The following ZNF536 variants were observed in gnomAD, a reference collection of about 807,000 sequenced individuals.
ZNF536 encodes the protein zinc finger protein 536.
In ZNF536, 13 loss-of-function variants were observed where a neutral mutation model predicts 84.5. The observed-to-expected ratio is 0.15, with a 90% CI of 0.10 to 0.24. The LOEUF is 0.24. Among genes scored for constraint, ZNF536 ranks in the 10% least tolerant of loss-of-function variants. ZNF536 has a pLI of 1.00. For synonymous variants in ZNF536, 811 were observed against 742.5 expected, an observed-to-expected ratio of 1.09 and a Z score of -1.50; for missense variants, 1,536 against 1,747.5, an observed-to-expected ratio of 0.88 and a Z score of 2.16.
At chr19:30,301,376 G>A (rs957983790) in intron 2 of ZNF536, among the ~76,000 whole-genome samples, 1 of 152,170 alleles carries the variant, frequency 6.6e-6, no homozygotes, top group African/African-American at 2.4e-5. Flanking sequence ...CGATGCGGAC[G>A]CTGTTGCTTT....
chr19:30,486,743 C>T (rs932202471), intron 2 of ZNF536, among the ~76,000 whole-genome samples: 4 of 152,218 alleles, frequency 2.6e-5, no homozygotes, highest in Non-Finnish European at 5.9e-5. Flanking sequence ...TCCTATTTCT[C>T]CACAGCCTTG....
intron 1 of ZNF536, among the ~76,000 whole-genome samples, chr19:30,433,834 G>T (rs1158999731): frequency 6.6e-6 from 1 of 152,128 alleles, no homozygotes; most frequent in Admixed American, 6.6e-5. Flanking sequence ...TACATGCCTT[G>T]GTCATATCCT....
intron 1 of ZNF536, among the ~76,000 whole-genome samples, chr19:30,614,465 G>GGA (rs141253341): frequency 8.8e-5 from 13 of 147,956 alleles, no homozygotes; most frequent in East Asian, 2.0e-4. Flanking sequence ...CGGGGGCGGG[G>GGA]GAGAGAGAGA....
intron 1 of ZNF536, among the ~76,000 whole-genome samples, chr19:30,262,899 T>C (rs1320477377): frequency 6.6e-6 from 1 of 152,142 alleles, no homozygotes; most frequent in African/African-American, 2.4e-5. Context: ...CTCGTGGAAT[T>C]TGCAACATGA....
At chr19:30,584,219 C>G (rs1456210831) in intron 1 of ZNF536, among the ~76,000 whole-genome samples, 2 of 152,164 alleles carry the variant, frequency 1.3e-5, no homozygotes, top group Non-Finnish European at 2.9e-5. Context: ...GCTCCACCTC[C>G]TGTATCCTGC....
chr19:30,551,644 A>T (rs879400184), intron 4 of ZNF536, among the ~76,000 whole-genome samples: 9 of 152,184 alleles, frequency 5.9e-5, no homozygotes, highest in Non-Finnish European at 1.3e-4. Flanking sequence ...TTGCTTCTGC[A>T]GCAGAGGGTT....
At chr19:30,688,581 A>G (rs560953147) in intron 1 of ZNF536, among the ~76,000 whole-genome samples, 1 of 152,196 alleles carries the variant, frequency 6.6e-6, no homozygotes, top group Non-Finnish European at 1.5e-5. Flanking sequence ...ATACACATTT[A>G]TCTGTTATGG....
At chr19:30,320,619 C>A (rs79003614) in intron 2 of ZNF536, among the ~76,000 whole-genome samples, 2 of 152,112 alleles carry the variant, frequency 1.3e-5, no homozygotes, top group African/African-American at 4.8e-5. Context: ...ACGGAGCCCC[C>A]GTCAGAGAGC....
intron 1 of ZNF536, among the ~76,000 whole-genome samples, chr19:30,409,768 T>C (rs1232188922): frequency 6.6e-6 from 1 of 152,266 alleles, no homozygotes; most frequent in Admixed American, 6.5e-5. Flanking sequence ...AACAAAGTGG[T>C]ACACCGTACT....
chr19:30,368,858 T>C (rs987453750), upstream of ZNF536, among the ~76,000 whole-genome samples: 2 of 152,172 alleles, frequency 1.3e-5, no homozygotes, highest in African/African-American at 4.8e-5. Flanking sequence ...GATTATCACA[T>C]GGAAAGGGCT....
intron 1 of ZNF536, among the ~76,000 whole-genome samples, chr19:30,692,435 A>T (rs1371030340): frequency 6.6e-6 from 1 of 152,200 alleles, no homozygotes; most frequent in Non-Finnish European, 1.5e-5. Flanking sequence ...GAATTTATAT[A>T]ACAGTAATTC....
rs80297613 is a variant in ZNF536, at chr19:30,320,539, C to G, written c.-119-31829C>G. 8.1e-3 allele frequency among the ~76,000 whole-genome samples: 1,237 copies of G among 152,188 alleles called. 22 individuals carry two copies. The highest frequency in any genetic ancestry group is 0.029 in the African/African-American group (1,188 of 41,516). On this transcript the variant is annotated intron_variant, in intron 2 of 5. Transcript: ENST00000585628. ...CACACAGCATCTTGGGGGTCAGGAC[C>G]TGCCAGAATGAGGAACTGGGGTGGA... is the stretch of plus-strand genomic sequence containing the variant.
intron 1 of ZNF536, among the ~76,000 whole-genome samples, chr19:30,415,693 C>T (rs1156868459): frequency 6.6e-6 from 1 of 152,058 alleles, no homozygotes; most frequent in African/African-American, 2.4e-5. Context: ...TCACTGCAAG[C>T]TCAGCCTCCT....
intron 1 of ZNF536, among the ~76,000 whole-genome samples, chr19:30,606,240 A>AAT (rs1364911046): frequency 0.018 from 1,089 of 59,350 alleles, 13 homozygotes; most frequent in African/African-American, 0.037. Flanking sequence ...AATAAAATAA[A>AAT]ATAAAATAAA....
intron 2 of ZNF536, among the ~76,000 whole-genome samples, chr19:30,462,756 T>C (rs528765384): frequency 6.8e-6 from 1 of 146,966 alleles, no homozygotes; most frequent in East Asian, 2.1e-4. Flanking sequence ...TGGGATAGGG[T>C]GTGTGTTGTG....
intron 3 of ZNF536, among the ~76,000 whole-genome samples, chr19:30,541,776 T>G (rs1203149654): frequency 5.3e-5 from 8 of 152,198 alleles, no homozygotes; most frequent in Admixed American, 5.2e-4. Context: ...CACATTTTAA[T>G]GGGAAAGTCA....
chr19:30,512,584 A>G (rs1444076877), intron 2 of ZNF536, among the ~76,000 whole-genome samples: 1 of 151,880 alleles, frequency 6.6e-6, no homozygotes, highest in Non-Finnish European at 1.5e-5. Flanking sequence ...CTGTGATACG[A>G]GTGTGGGTTA....
At chr19:30,458,963 T>C (rs2053004031) in intron 2 of ZNF536, among the ~76,000 whole-genome samples, 1 of 152,196 alleles carries the variant, frequency 6.6e-6, no homozygotes, top group African/African-American at 2.4e-5. Context: ...TGTGAGTGTG[T>C]TAACTGTGGC....
At chr19:30,277,869 G>A (rs1210693865) in intron 1 of ZNF536, among the ~76,000 whole-genome samples, 1 of 152,220 alleles carries the variant, frequency 6.6e-6, no homozygotes, top group Admixed American at 6.5e-5. Flanking sequence ...AGTTAGCAGA[G>A]GGTGACCATT....
Sources: gnomAD v4.1 joint callset for allele counts (sites outside exome capture counted in the v4.1 genomes callset) on GRCh38, gnomAD v4.1.1 for gene constraint, MANE v1.5 for transcripts, NCBI Gene and HGNC (gene_info 2026-07-23, HGNC 2026-07-21) for gene names.